The following RBFOX1 variants were observed in gnomAD, a reference collection of about 807,000 sequenced individuals.
RBFOX1 encodes the protein RNA binding protein fox-1 homolog 1.
Under a neutral mutation model 57.7 loss-of-function variants are expected in RBFOX1, and 8 were observed. The observed-to-expected ratio is 0.14, with a 90% confidence interval of 0.08 to 0.25. The LOEUF is 0.25. Ranked by LOEUF, RBFOX1 falls within the 10% of genes least tolerant of loss-of-function variation. The pLI is 1.00. For missense variants in RBFOX1, 611 were observed against 548.5 expected, an observed-to-expected ratio of 1.11 and a Z score of -1.14; for synonymous variants, 326 against 222.4, an observed-to-expected ratio of 1.47 and a Z score of -4.15.
intron 2 of RBFOX1, among the ~76,000 whole-genome samples, chr16:6,566,175 A>T (rs2097263245): frequency 6.6e-6 from 1 of 152,206 alleles, no homozygotes; most frequent in African/African-American, 2.4e-5. Context: ...GTAGGCAAGG[A>T]GGTACAATCA....
At chr16:6,584,865 C>CA (rs1431500190) in intron 2 of RBFOX1, among the ~76,000 whole-genome samples, 1 of 152,108 alleles carries the variant, frequency 6.6e-6, no homozygotes, top group Non-Finnish European at 1.5e-5. Flanking sequence ...ATTGTTTCAA[C>CA]AAAAAATGAG....
chr16:5,545,605 A>G lies in RBFOX1; in HGVS notation c.259-53297A>G, dbSNP rs74004396. Among the ~76,000 whole-genome samples the G allele has an allele frequency of 9.3e-3, 1,412 of 152,326 alleles. 20 individuals carry two copies. Among genetic ancestry groups the G allele is most frequent in the African/African-American group, 0.032 (1,314 of 41,584 alleles). ...TTAAGAAATAAAAAGTGAGAGACAC[A>G]TGATCATTTCAATGGATACAGAAAA... On this transcript the variant is annotated intron_variant, in intron 2 of 2. Transcript: ENST00000585867.
intron 4 of RBFOX1, among the ~76,000 whole-genome samples, chr16:7,275,081 GGGTTCTGGATCCTTCTT>G (rs1263729850): frequency 6.6e-6 from 1 of 152,136 alleles, no homozygotes; most frequent in Non-Finnish European, 1.5e-5. Context: ...TGAGCGGGCA[GGGTTCTGGATCCTTCTT>G]GTCCATCTGT....
chr16:7,614,180 C>A (rs777490978), intron 10 of RBFOX1: 1 of 152,180 alleles, frequency 6.6e-6, no homozygotes, highest in Non-Finnish European at 1.5e-5. Context: ...TACGCATCTG[C>A]CAAATTCAAA....
chr16:5,887,568 AT>A (rs1393195886), intron 4 of RBFOX1, among the ~76,000 whole-genome samples: 5 of 151,370 alleles, frequency 3.3e-5, no homozygotes, highest in African/African-American at 9.7e-5. Context: ...CGCCTGGATA[AT>A]TTTTTTTTCT....
intron 4 of RBFOX1, among the ~76,000 whole-genome samples, chr16:7,393,803 C>T (rs1385935872): frequency 6.6e-6 from 1 of 152,200 alleles, no homozygotes; most frequent in Non-Finnish European, 1.5e-5. Flanking sequence ...CCAGGCATCT[C>T]TGGCTAAGGT....
intron 1 of RBFOX1, among the ~76,000 whole-genome samples, chr16:6,304,121 T>C (rs2079162951): frequency 6.6e-6 from 1 of 151,776 alleles, no homozygotes; most frequent in South Asian, 2.1e-4. Context: ...AAACCCCATC[T>C]TCACTAAAAT....
At chr16:7,519,420 C>A (rs919109964) in intron 5 of RBFOX1, among the ~76,000 whole-genome samples, 1 of 152,054 alleles carries the variant, frequency 6.6e-6, no homozygotes. Context: ...CTTTATACGC[C>A]ATAAAGAGTA....
chr16:5,741,469 G>A (rs1191486090), intron 3 of RBFOX1, among the ~76,000 whole-genome samples: 1 of 152,188 alleles, frequency 6.6e-6, no homozygotes, highest in African/African-American at 2.4e-5. Flanking sequence ...CTCAGCCTGG[G>A]AAAGACTTTC....
intron 4 of RBFOX1, among the ~76,000 whole-genome samples, chr16:7,306,508 T>G (rs1201088271): frequency 1.3e-5 from 2 of 152,134 alleles, no homozygotes; most frequent in Non-Finnish European, 2.9e-5. Context: ...CCCCCTCCCC[T>G]GAAAGGACTT....
intron 4 of RBFOX1, among the ~76,000 whole-genome samples, chr16:7,365,561 C>T (rs908585238): frequency 6.6e-6 from 1 of 152,182 alleles, no homozygotes; most frequent in Non-Finnish European, 1.5e-5. Flanking sequence ...AGTGATGCTG[C>T]TGACATCTAC....
At chr16:6,033,103 T>A (rs2095313738) in intron 1 of RBFOX1, among the ~76,000 whole-genome samples, 1 of 152,166 alleles carries the variant, frequency 6.6e-6, no homozygotes, top group African/African-American at 2.4e-5. Flanking sequence ...GTTGTTACCG[T>A]GAGCACAGCA....
intron 1 of RBFOX1, chr16:5,366,084 G>C (rs1220743819): frequency 4.3e-6 from 2 of 469,616 alleles, no homozygotes; most frequent in Non-Finnish European, 8.3e-6. Context: ...CATACCACCA[G>C]TGCTCTTACG....
At chr16:7,479,039 T>C (rs756329205) in intron 4 of RBFOX1, among the ~76,000 whole-genome samples, 22 of 151,556 alleles carry the variant, frequency 1.5e-4, no homozygotes, top group Non-Finnish European at 2.8e-4. Context: ...TTATCCCGAA[T>C]CCACAAACAG....
intron 2 of RBFOX1, among the ~76,000 whole-genome samples, chr16:5,497,146 C>G (rs2043026293): frequency 6.6e-6 from 1 of 152,200 alleles, no homozygotes; most frequent in Admixed American, 6.5e-5. Context: ...TTTGAATTGA[C>G]ATTTCCACCA....
chr16:5,761,301 T>C (rs1313963613), intron 3 of RBFOX1, among the ~76,000 whole-genome samples: 1 of 152,196 alleles, frequency 6.6e-6, no homozygotes, highest in East Asian at 1.9e-4. Flanking sequence ...CCCCCAACTT[T>C]TTAAAATGGT....
intron 2 of RBFOX1, among the ~76,000 whole-genome samples, chr16:5,521,815 C>T (rs1451295749): frequency 1.3e-5 from 2 of 152,218 alleles, no homozygotes; most frequent in African/African-American, 4.8e-5. Flanking sequence ...ACATGTCTCT[C>T]ACCCCGGAAG....
At chr16:7,100,889 TA>T (rs1322008548) in intron 4 of RBFOX1, among the ~76,000 whole-genome samples, 1 of 152,234 alleles carries the variant, frequency 6.6e-6, no homozygotes, top group Non-Finnish European at 1.5e-5. Flanking sequence ...GTTAAACTGC[TA>T]AACATTTTTA....
intron 1 of RBFOX1, among the ~76,000 whole-genome samples, chr16:6,298,809 C>G (rs894297339): frequency 6.6e-6 from 1 of 152,144 alleles, no homozygotes; most frequent in East Asian, 1.9e-4. Flanking sequence ...CAAGTGCAAT[C>G]TGATATTTAA....
Sources: allele counts gnomAD v4.1 joint callset (sites outside exome capture counted in the v4.1 genomes callset), GRCh38; gene constraint gnomAD v4.1.1; transcripts MANE v1.5; gene names NCBI Gene and HGNC (gene_info 2026-07-23, HGNC 2026-07-21).